Variants in DET1 observed in about 807,000 individuals in gnomAD.
DET1 encodes the protein DET1 partner of COP1 E3 ubiquitin ligase, also known as DET1 homolog.
A neutral mutation model predicts 43.7 loss-of-function variants in DET1; 22 were observed. That is an observed-to-expected ratio of 0.50 (90% CI 0.36 to 0.72). The LOEUF (loss-of-function observed/expected upper bound fraction) is 0.72. DET1 is among the 30% of genes least tolerant of loss of function. DET1 has a pLI of 0.00. For synonymous variants in DET1, 315 were observed against 266.2 expected (o/e 1.18, Z -1.79); for missense variants, 713 against 713.3 (o/e 1.00, Z 0.00).
intron 3 of DET1, among the ~76,000 whole-genome samples, chr15:88,519,065 T>C (rs567534626): frequency 6.6e-6 from 1 of 152,304 alleles, no homozygotes; most frequent in East Asian, 1.9e-4. Context: ...ATCTACACCT[T>C]AGCCCTGCCT....
chr15:88,510,773 T>TG (rs1346934041), downstream of DET1, among the ~76,000 whole-genome samples: 1 of 149,190 alleles, frequency 6.7e-6, no homozygotes, highest in East Asian at 2.0e-4. Context: ...TTTTTTTTGT[T>TG]TTTTTTTTTT....
At chr15:88,513,209 T>C in intron 4 of DET1, 69 bp from the exon 5 acceptor site, 1 of 1,463,714 alleles carries the variant, frequency 6.8e-7, no homozygotes, top group Admixed American at 2.3e-5. Flanking sequence ...AACTGAAATC[T>C]AGACAGCAGG....
intron 1 of DET1, among the ~76,000 whole-genome samples, chr15:88,544,945 G>T (rs1484204055): frequency 6.6e-6 from 1 of 152,082 alleles, no homozygotes; most frequent in Non-Finnish European, 1.5e-5. Flanking sequence ...GCAGGATTTG[G>T]GTGCTCTGGG....
chr15:88,515,268 G>T (rs368569277), intron 4 of DET1, among the ~76,000 whole-genome samples: 1 of 152,048 alleles, frequency 6.6e-6, no homozygotes, highest in East Asian at 1.9e-4. Flanking sequence ...GGCCAGGCAC[G>T]GTGGCTCAAG....
intron 1 of DET1, among the ~76,000 whole-genome samples, chr15:88,540,391 C>A (rs2057074948): frequency 6.6e-6 from 1 of 151,938 alleles, no homozygotes; most frequent in Non-Finnish European, 1.5e-5. Flanking sequence ...GATACTCCAG[C>A]CCCCCAGGGA....
At chr15:88,524,059 G>C (rs1323999010) in intron 3 of DET1, among the ~76,000 whole-genome samples, 2 of 147,360 alleles carry the variant, frequency 1.4e-5, no homozygotes, top group South Asian at 2.2e-4. Flanking sequence ...GCCGCCCATC[G>C]TCTGAGATGT....
At chr15:88,509,167 A>C (rs1395678719), downstream of DET1, among the ~76,000 whole-genome samples, 2 of 152,100 alleles carry the variant, frequency 1.3e-5, no homozygotes, top group African/African-American at 4.8e-5. Flanking sequence ...GGAGTTTTTT[A>C]ATGTGTTTTT....
chr15:88,545,147 T>C (rs1194418501), intron 1 of DET1, among the ~76,000 whole-genome samples: 2 of 152,162 alleles, frequency 1.3e-5, no homozygotes, highest in Non-Finnish European at 2.9e-5. Context: ...CGGTAACTCG[T>C]GCTTCTCATC....
chr15:88,515,728 T>C (rs913438625), intron 4 of DET1, among the ~76,000 whole-genome samples: 5 of 151,958 alleles, frequency 3.3e-5, no homozygotes, highest in African/African-American at 1.2e-4. Context: ...GATGGGGTAA[T>C]GGTGTTACTT....
chr15:88,502,142 A>G (rs561942438), intron 8 of DET1: 1 of 152,190 alleles, frequency 6.6e-6, no homozygotes, highest in Non-Finnish European at 1.5e-5. Flanking sequence ...TGAGTAATAC[A>G]TCCCTCCTTA....
intron 1 of DET1, among the ~76,000 whole-genome samples, chr15:88,537,462 A>C (rs887868163): frequency 1.3e-5 from 2 of 151,976 alleles, no homozygotes; most frequent in African/African-American, 2.4e-5. Flanking sequence ...TGATCTCCCA[A>C]AGTGCTAGGA....
rs2056812326 is a variant in DET1 at position 88,531,442 on chromosome 15, C to G, written c.264G>C (p.Gln88His). 1 of 1,614,018 alleles carries G rather than the reference C, an allele frequency of 6.2e-7. No homozygotes were observed. The highest frequency in any genetic ancestry group is 8.5e-7 in the Non-Finnish European group (1 of 1,179,898). Reference sequence around the variant, plus strand: ...GTAGGTCCTCTGCTGCCTGGCAGCCCTGGTACTCATAGATTTCAAGAGATG... The same window carrying G: ...GTAGGTCCTCTGCTGCCTGGCAGCCGTGGTACTCATAGATTTCAAGAGATG... ...DQTSLEIYEY[Q>H]GCQAAEDLLQ... The change falls in exon 2 of 5, where the codon CAG (glutamine) becomes CAC (histidine). Residue 88 changes from glutamine (Q) to histidine (H), a missense_variant. Physicochemically the swap from Gln to His is conservative, Grantham distance 24. Coordinates refer to ENST00000268148, the MANE Select transcript of DET1 (RefSeq NM_001144074.3). The surrounding 1 kb of genome is among the most constrained non-coding windows in gnomAD (Gnocchi z 6.2).
At position 88,516,773 on chromosome 15, in the gene DET1, A is replaced by T. The variant is rs1248463238; in HGVS notation, c.1463+9T>A. 6.5e-7 allele frequency: 1 copy of T among 1,544,178 alleles called. No individual in the cohort carries two copies. Among genetic ancestry groups the T allele is most frequent in the South Asian group, 1.3e-5 (1 of 79,490 alleles). On this transcript the variant is annotated intron_variant, in intron 4 of 4. Coordinates refer to ENST00000268148, the MANE Select transcript of DET1 (RefSeq NM_001144074.3). This position sits in a 1 kb window ranked among gnomAD's most constrained non-coding sequence, Gnocchi z 4.4. ...TGAGCAGTTTGTAGCTATAGCAGTG[A>T]CACTGTACCTGATTGGGTGATCTCC... is the stretch of plus-strand genomic sequence containing the variant.
chr15:88,512,276 G>A (rs2056214943), downstream of DET1: 1 of 890,590 alleles, frequency 1.1e-6, no homozygotes, highest in African/African-American at 1.8e-5. Flanking sequence ...TCCTCCAGCT[G>A]TGACAATTAC....
rs991215702 is a variant in DET1, at chr15:88,538,714, C to T, written c.-10-6999G>A. ...CTTGCTCCGGGCTCCCCCGGAAGGA[C>T]GGCCGGCTCAGAGGGGGTTACCACC... is the stretch of plus-strand genomic sequence containing the variant. On this transcript the variant is annotated intron_variant, in intron 1 of 4. Coordinates refer to ENST00000268148, the MANE Select transcript of DET1 (RefSeq NM_001144074.3). 5.9e-5 allele frequency among the ~76,000 whole-genome samples: 9 copies of T among 152,280 alleles called. No individual in the cohort carries two copies. In the South Asian group the frequency reaches 6.2e-4, roughly 11 times the overall value.
chr15:88,516,241 G>A lies in DET1; in HGVS notation c.1463+541C>T, dbSNP rs776810930. The stretch of plus-strand genomic sequence containing the variant: ...AGGCTCCATATATGTAGTGACAGTT[G>A]GGTCTGTGAACTAGACTTCTGTGAG... On this transcript the variant is annotated intron_variant, in intron 4 of 4. Coordinates refer to ENST00000268148, the MANE Select transcript of DET1 (RefSeq NM_001144074.3). This position sits in a 1 kb window ranked among gnomAD's most constrained non-coding sequence, Gnocchi z 4.4. Among the ~76,000 whole-genome samples the A allele has an allele frequency of 2.0e-5, 3 of 152,246 alleles. No individual in the cohort carries two copies. The highest frequency in any genetic ancestry group is 1.3e-4 in the Admixed American group (2 of 15,304).
chr15:88,527,586 TG>T lies in DET1; in HGVS notation c.1271+12del. 1 of 1,582,274 alleles carries T rather than the reference TG, an allele frequency of 6.3e-7. No individual in the cohort carries two copies. Among genetic ancestry groups the T allele is most frequent in the East Asian group, 2.3e-5 (1 of 43,894 alleles). On this transcript the variant is annotated intron_variant, in intron 3 of 4. Coordinates refer to ENST00000268148, the MANE Select transcript of DET1 (RefSeq NM_001144074.3). ...CTAAAGAAAAGACTGTTGAGTCTGG[TG>T]GAACAGCTTACCGGCGCTGGATCTG... is the stretch of plus-strand genomic sequence containing the variant.
chr15:88,506,669 T>C (rs1721714097), intron 7 of DET1, among the ~76,000 whole-genome samples: 1 of 152,202 alleles, frequency 6.6e-6, no homozygotes, highest in African/African-American at 2.4e-5. Context: ...AGTTACTCTG[T>C]GTACTTGAAA....
intron 3 of DET1, among the ~76,000 whole-genome samples, chr15:88,524,425 C>G (rs2142289207): frequency 6.6e-6 from 1 of 152,216 alleles, no homozygotes; most frequent in South Asian, 2.1e-4. Context: ...AAGTGAGGAG[C>G]CCCTCTGCCC....
Sources: gnomAD v4.1 joint callset for allele counts (sites outside exome capture counted in the v4.1 genomes callset) on GRCh38, gnomAD v4.1.1 for gene constraint, Gnocchi (gnomAD v3.1) non-coding constraint, MANE v1.5 for transcripts, NCBI Gene and HGNC (gene_info 2026-07-23, HGNC 2026-07-21) for gene names.